Variants in GPC6 observed in about 807,000 individuals in gnomAD.
GPC6 encodes the protein glypican 6.
In GPC6, 14 loss-of-function variants were observed where a neutral mutation model predicts 55.2. The ratio of observed to expected loss-of-function variants is 0.25; its 90% CI spans 0.17 to 0.40. The LOEUF (loss-of-function observed/expected upper bound fraction) is 0.40. Among genes scored for constraint, GPC6 ranks in the 10% least tolerant of loss-of-function variants. GPC6 has a pLI of 1.00. For missense variants in GPC6, 641 were observed against 708.5 expected (o/e 0.90, Z 1.08); for synonymous variants, 278 against 259.6 (o/e 1.07, Z -0.68).
At chr13:93,653,189 C>G (rs1220101344) in intron 2 of GPC6, among the ~76,000 whole-genome samples, 2 of 152,156 alleles carry the variant, frequency 1.3e-5, no homozygotes. Context: ...CCCTTGGGCA[C>G]CACTGGCTTC....
In GPC6 at chr13:93,676,172, TAC is replaced by T. The variant is rs771597800; in HGVS notation, c.319+130769_319+130770del. On this transcript the variant is annotated intron_variant, in intron 2 of 8. Coordinates refer to ENST00000377047, the MANE Select transcript of GPC6 (RefSeq NM_005708.5). ...ATATATATATATATATATATATACA[TAC>T]ACACACACACACACACATATATATG... is the stretch of plus-strand genomic sequence containing the variant. 2.8e-3 allele frequency among the ~76,000 whole-genome samples: 202 copies of T among 72,324 alleles called. 1 individual carries two copies. Among genetic ancestry groups the T allele is most frequent in the East Asian group, 0.016 (24 of 1,464 alleles). The allele number at this position is 72,324 out of a possible 152,430, so 47.4% of individuals were successfully genotyped here.
intron 2 of GPC6, among the ~76,000 whole-genome samples, chr13:93,660,879 A>G (rs1490173661): frequency 6.6e-6 from 1 of 152,190 alleles, no homozygotes; most frequent in Non-Finnish European, 1.5e-5. Context: ...GCAGGCTGTT[A>G]GGCTCTTTGA....
intron 2 of GPC6, among the ~76,000 whole-genome samples, chr13:93,693,780 C>G (rs1882348454): frequency 6.6e-6 from 1 of 152,040 alleles, no homozygotes; most frequent in Non-Finnish European, 1.5e-5. Flanking sequence ...AACCACTGTG[C>G]CCAGCCAACG....
chr13:93,419,251 G>A (rs1197998299), intron 1 of GPC6, among the ~76,000 whole-genome samples: 1 of 151,584 alleles, frequency 6.6e-6, no homozygotes, highest in African/African-American at 2.4e-5. Context: ...TATTCTCTTT[G>A]TGATTAGTTG....
chr13:93,408,502 T>C (rs906519567), intron 1 of GPC6, among the ~76,000 whole-genome samples: 2 of 152,096 alleles, frequency 1.3e-5, no homozygotes, highest in Non-Finnish European at 2.9e-5. Flanking sequence ...AACTGAGCAA[T>C]ATTATTGGAT....
intron 3 of GPC6, among the ~76,000 whole-genome samples, chr13:93,858,341 T>G (rs1357777155): frequency 1.3e-5 from 2 of 151,632 alleles, no homozygotes; most frequent in Non-Finnish European, 3.0e-5. Context: ...TATGGTTATA[T>G]GTGGGGTCTA....
At chr13:94,388,346 C>T (rs999194557) in intron 7 of GPC6, among the ~76,000 whole-genome samples, 11 of 152,128 alleles carry the variant, frequency 7.2e-5, no homozygotes, top group African/African-American at 2.7e-4. Flanking sequence ...TAGGAGTTCA[C>T]GTCGTTCAAT....
intron 1 of GPC6, among the ~76,000 whole-genome samples, chr13:93,259,552 A>G (rs1050606646): frequency 6.6e-6 from 1 of 152,048 alleles, no homozygotes; most frequent in Non-Finnish European, 1.5e-5. Context: ...AAGGGACTGT[A>G]TCTTCCTTTA....
intron 2 of GPC6, among the ~76,000 whole-genome samples, chr13:93,676,635 G>T (rs768654361): frequency 2.0e-4 from 31 of 152,012 alleles, no homozygotes; most frequent in Admixed American, 3.3e-4. Flanking sequence ...GACACTCAAT[G>T]TTGTCAGATC....
At chr13:93,781,448 T>A (rs1414436854) in intron 2 of GPC6, among the ~76,000 whole-genome samples, 1 of 152,134 alleles carries the variant, frequency 6.6e-6, no homozygotes, top group African/African-American at 2.4e-5. Flanking sequence ...AGTTAAGGGA[T>A]CGTTACAGGC....
At chr13:93,943,876 T>C (rs184848661) in intron 3 of GPC6, among the ~76,000 whole-genome samples, 48 of 152,324 alleles carry the variant, frequency 3.2e-4, no homozygotes, top group Non-Finnish European at 5.7e-4. Context: ...CTGTTAATAA[T>C]TGCTGTTTCC....
rs182810985 is a variant in GPC6 at position 93,581,277 on chromosome 13, C to G, written c.319+35856C>G. The stretch of plus-strand genomic sequence containing the variant: ...GAATAGCCCAATATCTGCTAGTTAT[C>G]TATCTTTCTTTCCTCATATTGTTGC... On this transcript the variant is annotated intron_variant, in intron 2 of 8. Coordinates refer to ENST00000377047, the MANE Select transcript of GPC6 (RefSeq NM_005708.5). 1.3e-4 allele frequency among the ~76,000 whole-genome samples: 18 copies of G among 135,696 alleles called. No homozygotes were observed. The East Asian group carries it at 3.5e-3, about 26-fold the overall frequency. 89.0% of individuals were successfully genotyped at this position (135,696 alleles called of 152,430 possible).
chr13:94,118,165 C>G (rs1815743276), intron 4 of GPC6, among the ~76,000 whole-genome samples: 2 of 151,958 alleles, frequency 1.3e-5, no homozygotes, highest in Admixed American at 1.3e-4. Context: ...CTCATAATCC[C>G]CAAGTGTCAT....
chr13:93,483,343 A>T (rs1023543391), intron 1 of GPC6, among the ~76,000 whole-genome samples: 5 of 152,152 alleles, frequency 3.3e-5, no homozygotes, highest in Non-Finnish European at 7.4e-5. Context: ...GAAACTTATC[A>T]GTCAATAATC....
chr13:93,488,188 CA>C (rs1306875418), intron 1 of GPC6, among the ~76,000 whole-genome samples: 1 of 152,060 alleles, frequency 6.6e-6, no homozygotes, highest in Non-Finnish European at 1.5e-5. Flanking sequence ...TCTCATTGTT[CA>C]AATCCCAACT....
chr13:93,244,095 G>C (rs1242266484), intron 1 of GPC6, among the ~76,000 whole-genome samples: 1 of 152,144 alleles, frequency 6.6e-6, no homozygotes, highest in East Asian at 1.9e-4. Flanking sequence ...CCTGATGGGA[G>C]TCAGTGGGAA....
At chr13:94,159,099 A>G (rs1055539396) in intron 4 of GPC6, among the ~76,000 whole-genome samples, 1 of 152,090 alleles carries the variant, frequency 6.6e-6, no homozygotes, top group Non-Finnish European at 1.5e-5. Flanking sequence ...AGAGATGACA[A>G]ACAGAAACAA....
chr13:94,165,291 T>C (rs146020518), intron 4 of GPC6, among the ~76,000 whole-genome samples: 2,883 of 148,450 alleles, frequency 0.019, 103 homozygotes, highest in African/African-American at 0.066. Flanking sequence ...TATATATATA[T>C]ACATAATGGA....
At chr13:94,280,586 A>G (rs1594127479) in intron 4 of GPC6, among the ~76,000 whole-genome samples, 1 of 152,232 alleles carries the variant, frequency 6.6e-6, no homozygotes, top group East Asian at 1.9e-4. Flanking sequence ...CAGCCTATAC[A>G]TAAACACTGC....
Sources: allele counts gnomAD v4.1 joint callset (sites outside exome capture counted in the v4.1 genomes callset), GRCh38; gene constraint gnomAD v4.1.1; transcripts MANE v1.5; gene names NCBI Gene and HGNC (gene_info 2026-07-23, HGNC 2026-07-21).